NEBL: variants seen among roughly 807,000 people sequenced by gnomAD.
The protein encoded by NEBL is LIM and SH3 protein 2.
A neutral mutation model predicts 140.2 loss-of-function variants in NEBL; 122 were observed. The observed-to-expected ratio is 0.87, with a 90% confidence interval of 0.75 to 1.01. The LOEUF (loss-of-function observed/expected upper bound fraction) is 1.01. NEBL is among the 50% of genes least tolerant of loss of function. The pLI is 0.00. For synonymous variants in NEBL, 436 were observed against 398.9 expected, an observed-to-expected ratio of 1.09 and a Z score of -1.11; for missense variants, 1,365 against 1,231.3, an observed-to-expected ratio of 1.11 and a Z score of -1.62.
chr10:20,929,820 G>C (rs1348917065), intron 4 of NEBL, among the ~76,000 whole-genome samples: 1 of 152,110 alleles, frequency 6.6e-6, no homozygotes, highest in Non-Finnish European at 1.5e-5. Context: ...TGAGTACAGT[G>C]TATACTATTG....
chr10:21,023,803 T>A (rs1309468036), intron 2 of NEBL, among the ~76,000 whole-genome samples: 1 of 152,148 alleles, frequency 6.6e-6, no homozygotes, highest in Admixed American at 6.5e-5. Flanking sequence ...AGAGTGCAAT[T>A]TGTGTCTCTT....
chr10:21,193,457 A>G (rs779241919), intron 3 of NEBL, among the ~76,000 whole-genome samples: 2 of 152,144 alleles, frequency 1.3e-5, no homozygotes, highest in African/African-American at 4.8e-5. Context: ...CTATCCCTTC[A>G]TCACCCACGC....
chr10:20,906,130 C>T (rs10740988), intron 4 of NEBL, among the ~76,000 whole-genome samples: 101,952 of 152,020 alleles, frequency 0.67, 34,382 homozygotes, highest in Admixed American at 0.76. Context: ...GAAATTCATT[C>T]GTATTATGTA....
chr10:21,123,067 T>C (rs1019253839), intron 2 of NEBL, among the ~76,000 whole-genome samples: 1 of 152,196 alleles, frequency 6.6e-6, no homozygotes, highest in Admixed American at 6.5e-5. Context: ...ATTTCATCCA[T>C]GCTTAACACT....
intron 4 of NEBL, among the ~76,000 whole-genome samples, chr10:20,933,232 T>A (rs557640861): frequency 6.6e-6 from 1 of 152,198 alleles, no homozygotes; most frequent in Non-Finnish European, 1.5e-5. Context: ...AAGCCCTTTT[T>A]TATAGTAAAT....
At chr10:21,121,817 C>A (rs2132045652) in intron 2 of NEBL, among the ~76,000 whole-genome samples, 1 of 152,172 alleles carries the variant, frequency 6.6e-6, no homozygotes, top group Middle Eastern at 3.4e-3. Flanking sequence ...TGTAAACCCA[C>A]CAGGATACCA....
At chr10:21,045,481 C>A (rs1347154916) in intron 2 of NEBL, among the ~76,000 whole-genome samples, 1 of 152,158 alleles carries the variant, frequency 6.6e-6, no homozygotes, top group Non-Finnish European at 1.5e-5. Flanking sequence ...AATAATCAAT[C>A]TACTCTGGTC....
At chr10:21,263,391 A>T (rs1356262324) in intron 1 of NEBL, among the ~76,000 whole-genome samples, 2 of 151,858 alleles carry the variant, frequency 1.3e-5, no homozygotes, top group Non-Finnish European at 2.9e-5. Flanking sequence ...GTTAGGGGAA[A>T]GGGAAAGGGG....
At chr10:20,789,717 G>A (rs1425474022) in intron 26 of NEBL, among the ~76,000 whole-genome samples, 1 of 151,988 alleles carries the variant, frequency 6.6e-6, no homozygotes, top group Non-Finnish European at 1.5e-5. Context: ...GCTGTGTGTG[G>A]TGGTGCATGC....
intron 4 of NEBL, among the ~76,000 whole-genome samples, chr10:20,954,003 G>A (rs11012414): frequency 0.17 from 25,013 of 145,718 alleles, 2,643 homozygotes; most frequent in East Asian, 0.34. Context: ...AAAAGTGGAT[G>A]GGATGGCAAA....
intron 26 of NEBL, among the ~76,000 whole-genome samples, chr10:20,791,043 G>C (rs1835917101): frequency 6.6e-6 from 1 of 152,166 alleles, no homozygotes; most frequent in Non-Finnish European, 1.5e-5. Context: ...GTTTGAGTTT[G>C]ACAGGTTGTT....
chr10:20,852,004 G>T (rs2131068222), intron 10 of NEBL, among the ~76,000 whole-genome samples: 1 of 151,330 alleles, frequency 6.6e-6, no homozygotes, highest in Middle Eastern at 3.4e-3. Context: ...AACTATTTAA[G>T]CTCAGAATTA....
rs1840723972 is a variant in NEBL at position 21,165,515 on chromosome 10, G to A, written c.164+6868C>T. Among the ~76,000 whole-genome samples the A allele has an allele frequency of 2.0e-5, 3 of 152,148 alleles. No homozygotes were observed. The South Asian group carries it at 6.2e-4, about 32-fold the overall frequency. ...AGCCTGGGCCTTATCCTAAACTAGG[G>A]GCTAAGAGCAGAGGCTACACACAGT... is the stretch of plus-strand genomic sequence containing the variant. On this transcript the variant is annotated intron_variant, in intron 2 of 6. Transcript: ENST00000417816.
intron 2 of NEBL, among the ~76,000 whole-genome samples, chr10:21,160,121 A>G (rs1212298432): frequency 6.6e-6 from 1 of 152,182 alleles, no homozygotes; most frequent in African/African-American, 2.4e-5. Flanking sequence ...CATTCAGAGT[A>G]AAGGTTCTTT....
chr10:21,052,937 G>T (rs1334441604), intron 2 of NEBL, among the ~76,000 whole-genome samples: 1 of 152,086 alleles, frequency 6.6e-6, no homozygotes, highest in African/African-American at 2.4e-5. Context: ...CATGTTCTAG[G>T]GTTTGACAGC....
At chr10:21,030,663 G>C (rs143220860) in intron 2 of NEBL, 4 of 509,348 alleles carry the variant, frequency 7.9e-6, no homozygotes, top group Non-Finnish European at 1.5e-5. Context: ...TAGGTGTGGT[G>C]AATGTCCCAA....
chr10:20,879,044 A>G (rs1316872625), intron 5 of NEBL, among the ~76,000 whole-genome samples: 1 of 152,172 alleles, frequency 6.6e-6, no homozygotes, highest in African/African-American at 2.4e-5. Flanking sequence ...TCGTCTCTTC[A>G]GTGTCAAAAT....
rs1840387974 is a variant in NEBL at position 20,831,284 on chromosome 10, T to C, written c.1583A>G (p.Glu528Gly). 1.2e-6 allele frequency: 2 copies of C among 1,611,386 alleles called. No homozygotes were observed. The highest frequency in any genetic ancestry group is 1.3e-5 in the African/African-American group (1 of 74,988). ...ASQKQYKKDL[E>G]NEIKGKGMQV... is the part of the protein sequence containing the mutation. ...CATTCCTTTCCCTTTAATTTCATTT[T>C]CTAAGTCCTTCTTGTATTGTTTCTA... The change falls in exon 16 of 28, where the codon GAA (glutamate) becomes GGA (glycine). Residue 528 changes from glutamate to glycine, a missense_variant. Glu to Gly is a moderately conservative substitution (Grantham distance 98). Coordinates refer to ENST00000377122, the MANE Select transcript of NEBL (RefSeq NM_006393.3).
At chr10:20,958,349 C>T (rs761458841) in intron 4 of NEBL, among the ~76,000 whole-genome samples, 44 of 152,146 alleles carry the variant, frequency 2.9e-4, no homozygotes, top group Admixed American at 1.4e-3. Flanking sequence ...GGCAATTAAG[C>T]GACACAGTTG....
Sources: gnomAD v4.1 joint callset for allele counts (sites outside exome capture counted in the v4.1 genomes callset) on GRCh38, gnomAD v4.1.1 for gene constraint, MANE v1.5 for transcripts, NCBI Gene and HGNC (gene_info 2026-07-23, HGNC 2026-07-21) for gene names.